The following TLCD4 variants were observed in gnomAD, a reference collection of about 807,000 sequenced individuals.
TLCD4 encodes TLC domain-containing protein 4.
TLCD4 carries 7 observed loss-of-function variants against 24.2 expected under a neutral mutation model. That is an observed-to-expected ratio of 0.29 (90% CI 0.16 to 0.54). TLCD4 has a LOEUF of 0.54. Ranked by LOEUF, TLCD4 falls within the 20% of genes least tolerant of loss-of-function variation. The pLI is 0.95. For missense variants in TLCD4, 259 were observed against 313.9 expected (o/e 0.82, Z 1.32); for synonymous variants, 103 against 106.4 (o/e 0.97, Z 0.20).
chr1:95,149,840 A>C (rs954692321), intron 3 of TLCD4, among the ~76,000 whole-genome samples: 4 of 152,200 alleles, frequency 2.6e-5, no homozygotes, highest in Admixed American at 1.3e-4. Flanking sequence ...CTCCAGGTCA[A>C]ATTTTCCTGG....
intron 5 of TLCD4, among the ~76,000 whole-genome samples, chr1:95,162,097 G>T (rs375329967): frequency 1.3e-5 from 2 of 152,220 alleles, no homozygotes; most frequent in South Asian, 2.1e-4. Flanking sequence ...GTTGACAGTG[G>T]GGTGTTAAAA....
intron 5 of TLCD4, among the ~76,000 whole-genome samples, chr1:95,161,470 AT>A (rs1231040900): frequency 6.6e-6 from 1 of 152,048 alleles, no homozygotes; most frequent in Admixed American, 6.5e-5. Flanking sequence ...GGATTCATTG[AT>A]TTTTTGAAGG....
chr1:95,144,765 G>A (rs765681657), intron 2 of TLCD4, among the ~76,000 whole-genome samples: 8 of 151,710 alleles, frequency 5.3e-5, no homozygotes, highest in Admixed American at 2.6e-4. Context: ...ATCTTGGCTC[G>A]CTGCAACCTC....
intron 1 of TLCD4, among the ~76,000 whole-genome samples, chr1:95,123,182 A>G (rs1676617136): frequency 6.6e-6 from 1 of 152,248 alleles, no homozygotes; most frequent in African/African-American, 2.4e-5. Context: ...ATATTGAGAC[A>G]GGAATTTAAT....
intron 5 of TLCD4, 84 bp downstream of exon 5, chr1:95,151,503 A>G: frequency 6.7e-7 from 1 of 1,497,008 alleles, no homozygotes. Context: ...CTAAACATAC[A>G]ATTCTTAGTT....
At chr1:95,187,716 A>G (rs961338178) in intron 6 of TLCD4, among the ~76,000 whole-genome samples, 1 of 152,052 alleles carries the variant, frequency 6.6e-6, no homozygotes, top group African/African-American at 2.4e-5. Flanking sequence ...CATACTGTAC[A>G]CTTTGGAAGG....
At chr1:95,135,347 T>C (rs996898210) in intron 1 of TLCD4, among the ~76,000 whole-genome samples, 1 of 151,916 alleles carries the variant, frequency 6.6e-6, no homozygotes, top group Non-Finnish European at 1.5e-5. Flanking sequence ...CCCACTTGTG[T>C]CATTTTGAGT....
intron 1 of TLCD4, among the ~76,000 whole-genome samples, chr1:95,137,803 C>G (rs929964467): frequency 6.7e-6 from 1 of 148,406 alleles, no homozygotes; most frequent in Non-Finnish European, 1.5e-5. Flanking sequence ...GGTACACAAT[C>G]ATAACTCACT....
intron 4 of TLCD4, 57 bp from the exon 5 acceptor site, chr1:95,151,268 G>A: frequency 6.4e-7 from 1 of 1,574,292 alleles, no homozygotes; most frequent in South Asian, 1.1e-5. Flanking sequence ...CAATACATTT[G>A]AAAAACAGTG....
chr1:95,127,904 T>G (rs1334975516), intron 1 of TLCD4, among the ~76,000 whole-genome samples: 1 of 152,216 alleles, frequency 6.6e-6, no homozygotes, highest in African/African-American at 2.4e-5. Context: ...TTCTGATTTA[T>G]CCAAAATCCA....
intron 1 of TLCD4, among the ~76,000 whole-genome samples, chr1:95,121,491 G>T (rs539297187): frequency 2.0e-5 from 3 of 152,316 alleles, no homozygotes; most frequent in Admixed American, 1.3e-4. Flanking sequence ...TTCTTTTTGA[G>T]ACAGGGTCTC....
chr1:95,119,336 C>G (rs1331141964), intron 1 of TLCD4, among the ~76,000 whole-genome samples: 2 of 152,162 alleles, frequency 1.3e-5, no homozygotes, highest in Non-Finnish European at 2.9e-5. Flanking sequence ...TGGGTAAATT[C>G]ATCTGATTGC....
chr1:95,126,785 C>A (rs574882749), intron 1 of TLCD4, among the ~76,000 whole-genome samples: 1 of 152,214 alleles, frequency 6.6e-6, no homozygotes, highest in Non-Finnish European at 1.5e-5. Flanking sequence ...GGTCTCAGGG[C>A]AATTTTCCAA....
chr1:95,151,108 C>T (rs553565920), intron 4 of TLCD4, among the ~76,000 whole-genome samples: 9 of 152,050 alleles, frequency 5.9e-5, no homozygotes, highest in Non-Finnish European at 8.8e-5. Context: ...ACAACCTGGC[C>T]CTTGTCTTAG....
the TLCD4 span, among the ~76,000 whole-genome samples, chr1:95,105,227 A>C: frequency 6.6e-6 from 1 of 152,202 alleles, no homozygotes; most frequent in Non-Finnish European, 1.5e-5. Flanking sequence ...TCTTGAAGGA[A>C]TGCATTTCAC....
upstream of TLCD4, among the ~76,000 whole-genome samples, chr1:95,113,478 A>C (rs147282228): frequency 6.8e-4 from 103 of 152,318 alleles, no homozygotes; most frequent in African/African-American, 2.5e-3. Context: ...AATATGTAAA[A>C]CTGAAAATCA....
the TLCD4 span, among the ~76,000 whole-genome samples, chr1:95,111,256 T>C: frequency 2.0e-5 from 3 of 150,862 alleles, no homozygotes; most frequent in Admixed American, 2.0e-4. Flanking sequence ...CTCATACCAC[T>C]GCACTCCAGC....
intron 1 of TLCD4, among the ~76,000 whole-genome samples, chr1:95,125,968 A>G (rs552790679): frequency 1.4e-5 from 2 of 144,444 alleles, no homozygotes; most frequent in South Asian, 4.6e-4. Context: ...CCTGGACAAC[A>G]TAATGAGACG....
At position 95,191,990 on chromosome 1, in the gene TLCD4, T is replaced by C; in HGVS notation, c.*122T>C. The C allele has an allele frequency of 6.9e-7, 1 of 1,452,414 alleles. No homozygotes were observed. The highest frequency in any genetic ancestry group is 9.0e-7 in the Non-Finnish European group (1 of 1,110,920). The allele number at this position is 1,452,414 out of a possible 1,614,324, so 90.0% of individuals were successfully genotyped here. ...TTGTTATTCAGGATTTCAGTGTCATTTTTTTTAAACCTTAGAAAAGAGAAG... is the reference window on the plus strand; with the variant it reads ...TTGTTATTCAGGATTTCAGTGTCATCTTTTTTAAACCTTAGAAAAGAGAAG... On this transcript the variant is annotated 3_prime_UTR_variant, in exon 7 of 7. Coordinates refer to ENST00000370203, the MANE Select transcript of TLCD4 (RefSeq NM_152487.3).
Sources: allele counts gnomAD v4.1 joint callset (sites outside exome capture counted in the v4.1 genomes callset), GRCh38; gene constraint gnomAD v4.1.1; transcripts MANE v1.5; gene names NCBI Gene and HGNC (gene_info 2026-07-23, HGNC 2026-07-21).